Variants in ENTREP2 observed in about 807,000 individuals in gnomAD.
ENTREP2 encodes protein ENTREP2.
the ENTREP2 span, among the ~76,000 whole-genome samples, chr15:29,668,271 A>G: frequency 1.3e-5 from 2 of 152,206 alleles, no homozygotes; most frequent in Admixed American, 6.5e-5. Context: ...GGGAAACGCA[A>G]CAGAAATAAC....
chr15:29,553,076 G>A, the ENTREP2 span, among the ~76,000 whole-genome samples: 2 of 152,214 alleles, frequency 1.3e-5, no homozygotes, highest in Non-Finnish European at 1.5e-5. Flanking sequence ...CGGGCAGATC[G>A]TTTGAGGCCA....
At chr15:29,360,260 A>T in the ENTREP2 span, among the ~76,000 whole-genome samples, 1 of 152,164 alleles carries the variant, frequency 6.6e-6, no homozygotes, top group Non-Finnish European at 1.5e-5. Context: ...ACGCATTTTG[A>T]ATCTAGTGAC....
At chr15:29,176,579 G>C in the ENTREP2 span, among the ~76,000 whole-genome samples, 1 of 152,172 alleles carries the variant, frequency 6.6e-6, no homozygotes, top group Non-Finnish European at 1.5e-5. Context: ...TGCCAGAGAA[G>C]CCCCCAGGAA....
At chr15:29,217,483 G>T in the ENTREP2 span, among the ~76,000 whole-genome samples, 1 of 152,092 alleles carries the variant, frequency 6.6e-6, no homozygotes, top group African/African-American at 2.4e-5. Context: ...TTGTTGGATT[G>T]GGTTAATTTG....
At chr15:29,381,643 G>T in the ENTREP2 span, 1 of 728,222 alleles carries the variant, frequency 1.4e-6, no homozygotes, top group Non-Finnish European at 2.3e-6. Context: ...TCAGCAGTGA[G>T]ATTTTATCAA....
At chr15:29,475,941 A>G in the ENTREP2 span, among the ~76,000 whole-genome samples, 1 of 152,172 alleles carries the variant, frequency 6.6e-6, no homozygotes, top group African/African-American at 2.4e-5. Context: ...TCATAGTAAG[A>G]TCTGCTCATG....
the ENTREP2 span, among the ~76,000 whole-genome samples, chr15:29,209,052 G>A: frequency 4.8e-4 from 73 of 152,146 alleles, no homozygotes; most frequent in Non-Finnish European, 9.3e-4. Context: ...AAGGAGGGGC[G>A]GGGCTCCCGG....
At chr15:29,176,446 G>C in the ENTREP2 span, among the ~76,000 whole-genome samples, 1 of 152,210 alleles carries the variant, frequency 6.6e-6, no homozygotes, top group Non-Finnish European at 1.5e-5. Context: ...AATTTTAAGA[G>C]AGGGGAGGTC....
chr15:29,336,369 T>A, the ENTREP2 span, among the ~76,000 whole-genome samples: 2 of 151,850 alleles, frequency 1.3e-5, no homozygotes, highest in Non-Finnish European at 2.9e-5. Flanking sequence ...TGGAGTGCAG[T>A]GGCGTGATCA....
At chr15:29,302,126 T>C in the ENTREP2 span, among the ~76,000 whole-genome samples, 1 of 152,158 alleles carries the variant, frequency 6.6e-6, no homozygotes, top group Non-Finnish European at 1.5e-5. Context: ...TTGTGGCCCA[T>C]TTTCACTCTT....
the ENTREP2 span, among the ~76,000 whole-genome samples, chr15:29,187,621 C>T: frequency 6.9e-4 from 105 of 152,286 alleles, no homozygotes; most frequent in African/African-American, 1.9e-3. Flanking sequence ...ACTTGGAGGG[C>T]AGAGTCAGTG....
the ENTREP2 span, among the ~76,000 whole-genome samples, chr15:29,237,803 G>A: frequency 3.9e-5 from 6 of 152,134 alleles, no homozygotes; most frequent in Non-Finnish European, 5.9e-5. Context: ...ATTCTATTCC[G>A]AGGTATTAGG....
chr15:29,414,611 C>A, the ENTREP2 span, among the ~76,000 whole-genome samples: 2 of 152,076 alleles, frequency 1.3e-5, no homozygotes, highest in African/African-American at 4.8e-5. Flanking sequence ...AGAGCAAACA[C>A]ATTCAAAAGC....
chr15:29,369,809 A>C, the ENTREP2 span, among the ~76,000 whole-genome samples: 1 of 152,240 alleles, frequency 6.6e-6, no homozygotes, highest in East Asian at 1.9e-4. Flanking sequence ...GATTAACTTA[A>C]GTTGGATTAA....
chr15:29,132,863 G>C, the ENTREP2 span, among the ~76,000 whole-genome samples: 18 of 152,244 alleles, frequency 1.2e-4, no homozygotes, highest in East Asian at 3.5e-3. Context: ...AGGGGTCCAA[G>C]GGGCAGGGAG....
At chr15:29,408,782 A>G in the ENTREP2 span, among the ~76,000 whole-genome samples, 7 of 152,316 alleles carry the variant, frequency 4.6e-5, no homozygotes, top group East Asian at 1.4e-3. Context: ...TTCAAATAGA[A>G]AAGTACAAAA....
chr15:29,356,296 A>ATATATTT, the ENTREP2 span, among the ~76,000 whole-genome samples: 6 of 34,392 alleles, frequency 1.7e-4, no homozygotes, highest in African/African-American at 1.8e-4. Flanking sequence ...ATATATATAT[A>ATATATTT]TTTTTTTTTT....
At chr15:29,327,852 T>C in the ENTREP2 span, among the ~76,000 whole-genome samples, 4,459 of 152,296 alleles carry the variant, frequency 0.029, 216 homozygotes, top group African/African-American at 0.1. Flanking sequence ...CCATTGCTTA[T>C]AGGAATGTAA....
chr15:29,504,299 C>G, the ENTREP2 span, among the ~76,000 whole-genome samples: 2 of 152,074 alleles, frequency 1.3e-5, no homozygotes, highest in Non-Finnish European at 2.9e-5. Context: ...GAAGGGCACT[C>G]TATAGAGGAG....
Sources: allele counts gnomAD v4.1 joint callset (sites outside exome capture counted in the v4.1 genomes callset), GRCh38; gene constraint gnomAD v4.1.1; transcripts MANE v1.5; gene names NCBI Gene and HGNC (gene_info 2026-07-23, HGNC 2026-07-21).